Variants in ERICH1 observed in about 807,000 individuals in gnomAD.
ERICH1 encodes glutamate-rich protein 1.
ERICH1 carries 56 observed loss-of-function variants against 39.6 expected under a neutral mutation model. That is an observed-to-expected ratio of 1.41 (90% CI 1.14 to 1.77). The LOEUF is 1.77. Among genes scored for constraint, ERICH1 ranks in the 40% most tolerant of loss-of-function variants. The pLI, the probability that ERICH1 is intolerant of heterozygous loss-of-function variation, is 0.00. For synonymous variants in ERICH1, 313 were observed against 223.6 expected, an observed-to-expected ratio of 1.40 and a Z score of -3.57; for missense variants, 826 against 575.4, an observed-to-expected ratio of 1.44 and a Z score of -4.45.
intron 3 of ERICH1, among the ~76,000 whole-genome samples, chr8:689,282 T>C (rs1215931232): frequency 6.6e-6 from 1 of 152,190 alleles, no homozygotes; most frequent in African/African-American, 2.4e-5. Flanking sequence ...TGGCTAATTT[T>C]TATATTTTAG....
At chr8:700,103 GCACACGCGCACACACCCT>G (rs1259318193) in intron 2 of ERICH1, among the ~76,000 whole-genome samples, 1 of 129,668 alleles carries the variant, frequency 7.7e-6, no homozygotes, top group Non-Finnish European at 1.6e-5. Context: ...GCACAGACCC[GCACACGCGCACACACCCT>G]CACAGGCGCA....
chr8:637,295 A>G (rs962441628), intron 3 of ERICH1, among the ~76,000 whole-genome samples: 2 of 152,106 alleles, frequency 1.3e-5, no homozygotes, highest in Admixed American at 6.5e-5. Context: ...CAGAGCTGCC[A>G]CCCTGGGACC....
intron 3 of ERICH1, among the ~76,000 whole-genome samples, chr8:658,995 T>TGACCATCGAGATCTCCAGG (rs1801045762): frequency 8.7e-6 from 1 of 115,194 alleles, no homozygotes; most frequent in African/African-American, 2.8e-5. Flanking sequence ...ACATCTCCGG[T>TGACCATCGAGATCTCCAGG]GTGCACTGAG....
In ERICH1 at chr8:716,011, T is replaced by C. The variant is rs1266692237; in HGVS notation, c.23-4A>G. 2 of 1,586,548 alleles carry C rather than the reference T, an allele frequency of 1.3e-6. No homozygotes were observed. The highest frequency in any genetic ancestry group is 1.7e-6 in the Non-Finnish European group (2 of 1,171,090). On this transcript the variant is annotated splice_polypyrimidine_tract_variant and splice_region_variant and intron_variant, in intron 1 of 5. Transcript: ENST00000262109. ...TGCAGCACCTTCTCCACAAACACTG[T>C]ACAGACAACCGATTAAAAGAAAAGG...
At chr8:615,114 A>G (rs1482450212) in exon 4 of ERICH1, 5 of 605,066 alleles carry the variant, frequency 8.3e-6, no homozygotes, top group African/African-American at 7.4e-5. Flanking sequence ...AGCTTGCTGC[A>G]TCTGAGTCTT....
At position 673,536 on chromosome 8, in the gene ERICH1, CTCCTCCCTGGCGTCTTTAACGTCT is replaced by C. The variant is rs754979420; in HGVS notation, c.792_815del (p.Val266_Asp273del). 1.4e-5 allele frequency: 22 copies of C among 1,611,896 alleles called. No individual in the cohort carries two copies. In the South Asian group the frequency reaches 2.4e-4, roughly 18 times the overall value. On this transcript the variant is annotated inframe_deletion, in exon 4 of 6. Transcript: ENST00000262109. The stretch of plus-strand genomic sequence containing the variant: ...CTTCCTCAATGGTGTCCACACCGTC[CTCCTCCCTGGCGTCTTTAACGTCT>C]TCCTCCCCGGCCGGTGTCGGATCTT...
intron 2 of ERICH1, among the ~76,000 whole-genome samples, chr8:711,234 G>A (rs896216535): frequency 6.6e-6 from 1 of 152,086 alleles, no homozygotes; most frequent in African/African-American, 2.4e-5. Flanking sequence ...ACAGTCCTTT[G>A]TCAGGTATGT....
At chr8:663,419 C>A (rs1801725580), downstream of ERICH1, among the ~76,000 whole-genome samples, 1 of 152,198 alleles carries the variant, frequency 6.6e-6, no homozygotes, top group Admixed American at 6.5e-5. Context: ...CCGCCTGACA[C>A]CCCCTCAGAA....
chr8:624,662 G>C (rs1156235257), intron 3 of ERICH1, among the ~76,000 whole-genome samples: 1 of 152,128 alleles, frequency 6.6e-6, no homozygotes, highest in Non-Finnish European at 1.5e-5. Context: ...TGCATGGCTG[G>C]AGCAGGAGGA....
intron 3 of ERICH1, among the ~76,000 whole-genome samples, chr8:679,538 G>A (rs1351637060): frequency 6.6e-6 from 1 of 152,084 alleles, no homozygotes; most frequent in African/African-American, 2.4e-5. Flanking sequence ...GAGGGCCACG[G>A]GCCCATCTCT....
intron 3 of ERICH1, chr8:616,627 GCAGAGA>G: frequency 2.2e-6 from 1 of 454,524 alleles, no homozygotes. Flanking sequence ...GGAGAGGGAG[GCAGAGA>G]CAGAGAAGGA....
intron 3 of ERICH1, among the ~76,000 whole-genome samples, chr8:684,678 T>C (rs1806893835): frequency 6.6e-6 from 1 of 152,174 alleles, no homozygotes; most frequent in South Asian, 2.1e-4. Flanking sequence ...GGTTCTTTTC[T>C]ATTTTCCCTA....
At chr8:688,926 G>A (rs148655442) in intron 3 of ERICH1, among the ~76,000 whole-genome samples, 6 of 152,328 alleles carry the variant, frequency 3.9e-5, no homozygotes, top group Non-Finnish European at 8.8e-5. Flanking sequence ...AACTGCTAGT[G>A]ACTGCACAAT....
At chr8:630,117 G>T (rs9802164) in intron 3 of ERICH1, among the ~76,000 whole-genome samples, 115 of 48,634 alleles carry the variant, frequency 2.4e-3, no homozygotes, top group African/African-American at 8.2e-3. Flanking sequence ...CCTCCCGTGA[G>T]CACCCACACA....
At chr8:643,827 A>G (rs765231651) in intron 3 of ERICH1, among the ~76,000 whole-genome samples, 50 of 152,198 alleles carry the variant, frequency 3.3e-4, no homozygotes, top group Non-Finnish European at 5.9e-4. Flanking sequence ...CAGGATTCAG[A>G]TTTGAAAATG....
rs1485988026 is a variant in ERICH1 at position 676,375 on chromosome 8, GAC to G, written c.305-2330_305-2329del. On this transcript the variant is annotated intron_variant, in intron 3 of 5. Transcript: ENST00000262109. ...CGCGGCGGCCCCTCGTGAGGACAGA[GAC>G]GCGGCGGCCCCTCGTGAGGACAGAG... 2.9e-3 allele frequency among the ~76,000 whole-genome samples: 94 copies of G among 32,354 alleles called. 7 individuals are homozygous for G. Among genetic ancestry groups the G allele is most frequent in the African/African-American group, 0.011 (79 of 7,262 alleles). The allele number at this position is 32,354 out of a possible 152,430, so 21.2% of individuals were successfully genotyped here.
chr8:637,380 C>T (rs1798522952), intron 3 of ERICH1, among the ~76,000 whole-genome samples: 1 of 152,236 alleles, frequency 6.6e-6, no homozygotes, highest in Non-Finnish European at 1.5e-5. Flanking sequence ...CCTCTAGCCC[C>T]ATGTGTCTCC....
intron 3 of ERICH1, among the ~76,000 whole-genome samples, chr8:635,279 G>A (rs1315151165): frequency 1.3e-5 from 2 of 152,202 alleles, no homozygotes; most frequent in African/African-American, 4.8e-5. Flanking sequence ...CAGGTCCATA[G>A]AGAAAACAGG....
At chr8:629,990 C>T (rs1442155190) in intron 3 of ERICH1, among the ~76,000 whole-genome samples, 1 of 125,548 alleles carries the variant, frequency 8.0e-6, no homozygotes, top group African/African-American at 3.2e-5. Context: ...TGACTCACAC[C>T]CTCCTGTGAG....
Sources: allele counts gnomAD v4.1 joint callset (sites outside exome capture counted in the v4.1 genomes callset), GRCh38; gene constraint gnomAD v4.1.1; transcripts MANE v1.5; gene names NCBI Gene and HGNC (gene_info 2026-07-23, HGNC 2026-07-21).